The following EXT2 variants were observed in gnomAD, a reference collection of about 807,000 sequenced individuals.
EXT2 encodes the protein exostosin-2.
EXT2 carries 53 observed loss-of-function variants against 81.6 expected under a neutral mutation model. The observed-to-expected ratio is 0.65, with a 90% CI of 0.52 to 0.82. EXT2 has a LOEUF of 0.82. Ranked by LOEUF, EXT2 falls within the 40% of genes least tolerant of loss-of-function variation. The pLI, the probability that EXT2 is intolerant of heterozygous loss-of-function variation, is 0.00. For missense variants in EXT2, 774 were observed against 910.2 expected (o/e 0.85, Z 1.93); for synonymous variants, 320 against 340.0 (o/e 0.94, Z 0.65).
In EXT2 at chr11:44,171,676, T is replaced by A. The variant is rs759043005; in HGVS notation, c.1239T>A (p.Ile413=). 7 of 1,614,118 alleles carry A rather than the reference T, an allele frequency of 4.3e-6. No individual in the cohort carries two copies. The highest frequency in any genetic ancestry group is 5.9e-6 in the Non-Finnish European group (7 of 1,179,980). ...CCATTGCCCTGGCCACCCTGCAGAT[T>A]ATCAATGACCGGATCTATCCATATG... The part of the protein sequence containing the change: ...IKAIALATLQ[I]INDRIYPYAA... Residue 413 remains isoleucine (I), a synonymous_variant, in exon 8 of 14, where the codon ATT becomes ATA. Transcript: ENST00000533608.
intron 9 of EXT2, among the ~76,000 whole-genome samples, chr11:44,199,549 A>G (rs1308155305): frequency 1.3e-5 from 2 of 152,260 alleles, no homozygotes; most frequent in Non-Finnish European, 2.9e-5. Context: ...AGAGACTCTC[A>G]GCCTGCTCCT....
intron 4 of EXT2, among the ~76,000 whole-genome samples, chr11:44,115,236 T>G (rs1414028425): frequency 6.6e-6 from 1 of 152,220 alleles, no homozygotes; most frequent in Non-Finnish European, 1.5e-5. Flanking sequence ...TTTGCTTTTT[T>G]AAGTGACAGA....
chr11:44,235,250 T>TTTTTTTTTTTTTG, intron 12 of EXT2, among the ~76,000 whole-genome samples: 1 of 121,918 alleles, frequency 8.2e-6, no homozygotes, highest in Non-Finnish European at 1.7e-5. Context: ...TTTTTTTTTT[T>TTTTTTTTTTTTTG]GGTGAGACTG....
chr11:44,216,425 GT>G (rs1955720463), intron 10 of EXT2, among the ~76,000 whole-genome samples: 1 of 152,200 alleles, frequency 6.6e-6, no homozygotes, highest in Admixed American at 6.5e-5. Context: ...GAGATTGCAT[GT>G]GTTAAGATAA....
Position 44,121,893 on chromosome 11 carries a change from C to T in EXT2, c.744-2896C>T, listed in dbSNP as rs540749424. ...ACTTCTGGGGCTCTGATACCCTGCG[C>T]CAGGCTACCTTACTACTCTTCTCTT... On this transcript the variant is annotated intron_variant, in intron 4 of 13. Coordinates refer to ENST00000533608, the MANE Select transcript of EXT2 (RefSeq NM_207122.2). Among the ~76,000 whole-genome samples the T allele has an allele frequency of 1.2e-4, 18 of 152,202 alleles. No homozygotes were observed. The South Asian group carries it at 3.5e-3, about 30-fold the overall frequency.
intron 7 of EXT2, among the ~76,000 whole-genome samples, chr11:44,153,617 T>A (rs985753141): frequency 2.0e-5 from 3 of 152,168 alleles, no homozygotes; most frequent in African/African-American, 7.2e-5. Flanking sequence ...AAGCTTTGAA[T>A]TTTTCATCAT....
At chr11:44,175,198 T>C (rs1383039562) in intron 8 of EXT2, among the ~76,000 whole-genome samples, 1 of 152,086 alleles carries the variant, frequency 6.6e-6, no homozygotes, top group Non-Finnish European at 1.5e-5. Context: ...GAGTGGTATC[T>C]GGAAAAATGG....
chr11:44,096,874 A>G (rs933905668), intron 1 of EXT2, among the ~76,000 whole-genome samples: 23 of 152,336 alleles, frequency 1.5e-4, no homozygotes, highest in African/African-American at 5.5e-4. Context: ...AAGTCAGGTA[A>G]GTGCTCTATG....
chr11:44,198,123 A>G (rs1369056146), intron 9 of EXT2, 105 bp downstream of exon 9: 3 of 1,159,116 alleles, frequency 2.6e-6, no homozygotes, highest in East Asian at 2.5e-5. Flanking sequence ...TAGCAATACC[A>G]TTTCTGAGAC....
In EXT2 at chr11:44,174,494, A is replaced by G. The variant is rs186189387; in HGVS notation, c.1305+2752A>G. On this transcript the variant is annotated intron_variant, in intron 8 of 13. Coordinates refer to ENST00000533608, the MANE Select transcript of EXT2 (RefSeq NM_207122.2). ...TTTCTTAGATTTAAAATTTTTTCTT[A>G]TACTCTAATAAAAGAATACTTTCTG... 2.4e-4 allele frequency among the ~76,000 whole-genome samples: 37 copies of G among 151,936 alleles called. No homozygotes were observed. The East Asian group carries it at 6.4e-3, about 26-fold the overall frequency.
Position 44,214,372 on chromosome 11 carries a change from C to G in EXT2, c.1662+7413C>G, listed in dbSNP as rs538980122. Among the ~76,000 whole-genome samples the G allele has an allele frequency of 2.6e-5, 4 of 152,312 alleles. No homozygotes were observed. The South Asian group carries it at 8.3e-4, about 32-fold the overall frequency. ...CTCGTGATCCGCCCGCCTCAGCCTC[C>G]CAAAGTGCTGGGACTACAAGCGTGA... On this transcript the variant is annotated intron_variant, in intron 10 of 13. Transcript: ENST00000533608.
intron 1 of EXT2, among the ~76,000 whole-genome samples, chr11:44,098,603 G>A (rs1461362702): frequency 6.6e-6 from 1 of 150,900 alleles, no homozygotes; most frequent in African/African-American, 2.4e-5. Flanking sequence ...GCTGAGGCAC[G>A]AGAATCGCTT....
At chr11:44,099,190 GT>G (rs926679538) in intron 1 of EXT2, among the ~76,000 whole-genome samples, 47 of 151,776 alleles carry the variant, frequency 3.1e-4, no homozygotes, top group Admixed American at 9.2e-4. Context: ...TTTTTTGTTT[GT>G]TTGTTCGTTT....
At chr11:44,125,034 A>G (rs1268608637) in intron 5 of EXT2, 50 bp downstream of exon 5, 2 of 1,582,302 alleles carry the variant, frequency 1.3e-6, no homozygotes, top group Admixed American at 1.7e-5. Context: ...GTTTGCTTAC[A>G]TGGGTTAAAA....
chr11:44,182,030 G>A (rs977456122), intron 8 of EXT2, among the ~76,000 whole-genome samples: 4 of 152,164 alleles, frequency 2.6e-5, no homozygotes, highest in African/African-American at 9.7e-5. Context: ...TAATCTTTCT[G>A]TTTTGGGGGT....
chr11:44,244,524 C>G lies in EXT2; in HGVS notation c.*237C>G. The G allele has an allele frequency of 1.9e-6, 1 of 523,996 alleles. No individual in the cohort carries two copies. Among genetic ancestry groups the G allele is most frequent in the Non-Finnish European group, 3.5e-6 (1 of 289,118 alleles). The allele number at this position is 523,996 out of a possible 1,614,324, so 32.5% of individuals were successfully genotyped here. A position where few individuals can be genotyped will look rare whatever the true frequency, so the allele number is the denominator to read the frequency against. On this transcript the variant is annotated 3_prime_UTR_variant, in exon 14 of 14. Coordinates refer to ENST00000533608, the MANE Select transcript of EXT2 (RefSeq NM_207122.2). ...CTTATGATCTCTGATGGGTTCTTCT[C>G]GAAAATGCCAAGTGGAAGACTTTGT...
intron 3 of EXT2, among the ~76,000 whole-genome samples, chr11:44,112,621 A>G (rs1247808262): frequency 6.6e-6 from 1 of 152,194 alleles, no homozygotes; most frequent in African/African-American, 2.4e-5. Context: ...GCATGAGGCC[A>G]GTTTGACTAA....
chr11:44,126,789 A>G (rs927326309), intron 5 of EXT2, 27 bp from the exon 6 acceptor site: 9 of 1,613,954 alleles, frequency 5.6e-6, no homozygotes, highest in Non-Finnish European at 7.6e-6. Flanking sequence ...CTAGTTTGTA[A>G]TCTCTTGCCT....
In EXT2 at chr11:44,171,670, G is replaced by A. The variant is rs1022994973; in HGVS notation, c.1233G>A (p.Leu411=). 2 of 1,614,138 alleles carry A rather than the reference G, an allele frequency of 1.2e-6. No homozygotes were observed. The highest frequency in any genetic ancestry group is 1.7e-6 in the Non-Finnish European group (2 of 1,180,006). The part of the protein sequence containing the change: ...QSIKAIALAT[L]QIINDRIYPY... ...TTAAAGCCATTGCCCTGGCCACCCT[G>A]CAGATTATCAATGACCGGATCTATC... Residue 411 remains leucine, a synonymous_variant, in exon 8 of 14, where the codon CTG becomes CTA. Coordinates refer to ENST00000533608, the MANE Select transcript of EXT2 (RefSeq NM_207122.2).
Sources: allele counts gnomAD v4.1 joint callset (sites outside exome capture counted in the v4.1 genomes callset), GRCh38; gene constraint gnomAD v4.1.1; transcripts MANE v1.5; gene names NCBI Gene and HGNC (gene_info 2026-07-23, HGNC 2026-07-21).